ASH2L: variants seen among roughly 807,000 people sequenced by gnomAD.
ASH2L encodes set1/Ash2 histone methyltransferase complex subunit ASH2.
Under a neutral mutation model 81.1 loss-of-function variants are expected in ASH2L, and 30 were observed. That is an observed-to-expected ratio of 0.37 (90% CI 0.28 to 0.50). The LOEUF (loss-of-function observed/expected upper bound fraction) is 0.50, where lower values mean the gene tolerates loss of function less well. Ranked by LOEUF, ASH2L falls within the 20% of genes least tolerant of loss-of-function variation. The pLI, the probability that ASH2L is intolerant of heterozygous loss-of-function variation, is 0.95. For synonymous variants in ASH2L, 273 were observed against 279.9 expected, an observed-to-expected ratio of 0.98 and a Z score of 0.24; for missense variants, 559 against 792.1, an observed-to-expected ratio of 0.71 and a Z score of 3.53.
chr8:38,118,052 C>T (rs543948103), intron 8 of ASH2L, among the ~76,000 whole-genome samples: 1 of 152,218 alleles, frequency 6.6e-6, no homozygotes, highest in South Asian at 2.1e-4. Flanking sequence ...GAGCAAGACT[C>T]TGTCTCAAAA....
chr8:38,119,995 C>T (rs779279959), intron 9 of ASH2L, among the ~76,000 whole-genome samples: 2 of 149,994 alleles, frequency 1.3e-5, no homozygotes, highest in African/African-American at 4.9e-5. Flanking sequence ...CCTGGGGGCA[C>T]GTGCCTATAA....
rs1173740456 is a variant in ASH2L at position 38,119,493 on chromosome 8, A to G, written c.947+130A>G. ...TGTCCATTTTTTCTAAACCTTGAGC[A>G]CTTTGAGGGACAAAATAACCCCAGG... On this transcript the variant is annotated intron_variant, in intron 9 of 15. Transcript: ENST00000343823. 4.2e-6 allele frequency: 3 copies of G among 719,366 alleles called. No homozygotes were observed. The Admixed American group carries it at 1.1e-4, about 26-fold the overall frequency. 44.6% of individuals were successfully genotyped at this position (719,366 alleles called of 1,614,324 possible). A position where few individuals can be genotyped will look rare whatever the true frequency, so the allele number is the denominator to read the frequency against.
chr8:38,110,328 A>G (rs760161712), intron 3 of ASH2L, 51 bp from the exon 4 acceptor site: 2 of 1,371,776 alleles, frequency 1.5e-6, no homozygotes, highest in Non-Finnish European at 2.1e-6. Flanking sequence ...AAGAAAAAGA[A>G]GTGTGTGTGT....
intron 11 of ASH2L, 65 bp from the exon 12 acceptor site, chr8:38,128,693 T>C: frequency 2.6e-6 from 4 of 1,560,966 alleles, no homozygotes; most frequent in Non-Finnish European, 3.4e-6. Flanking sequence ...AGGATCTTTT[T>C]CCTTCAGCAA....
chr8:38,121,333 T>TTATTTATATATATA (rs1230317862), intron 10 of ASH2L, among the ~76,000 whole-genome samples, 184 bp downstream of exon 10: 2 of 59,668 alleles, frequency 3.4e-5, no homozygotes, highest in African/African-American at 6.3e-5. Flanking sequence ...GCCGTTTTAT[T>TTATTTATATATATA]TATATATATA....
At chr8:38,107,291 A>C in intron 3 of ASH2L, 125 bp downstream of exon 3, 1 of 1,224,094 alleles carries the variant, frequency 8.2e-7, no homozygotes, top group East Asian at 2.4e-5. Context: ...CTATTCAGCA[A>C]GTAGGATGTT....
chr8:38,111,475 C>T (rs770661183), intron 5 of ASH2L, among the ~76,000 whole-genome samples: 2 of 152,058 alleles, frequency 1.3e-5, no homozygotes, highest in Non-Finnish European at 2.9e-5. Flanking sequence ...GAAGACTTGA[C>T]CTCCTGGGCT....
In ASH2L at chr8:38,128,872, G is replaced by C. The variant is rs774626122; in HGVS notation, c.1448G>C (p.Gly483Ala). The C allele has an allele frequency of 5.0e-6, 8 of 1,614,134 alleles. No homozygotes were observed. The highest frequency in any genetic ancestry group is 6.8e-6 in the Non-Finnish European group (8 of 1,180,014). ...GKHYSSGYGQ[G>A]DVLGFYINLP... ...CACTACTCTTCTGGCTATGGACAGG[G>C]AGACGTCCTGGGATTTTATATTAAT... Residue 483 changes from glycine to alanine, a missense_variant, in exon 12 of 16, where the codon GGA becomes GCA. This residue lies in a region of ASH2L where 318 missense variants were observed against 527.0 expected (regional missense o/e 0.60). Coordinates refer to ENST00000343823, the MANE Select transcript of ASH2L (RefSeq NM_004674.5).
rs1802397451 is a variant in ASH2L, at chr8:38,139,533, T to C, written c.*462T>C. 6.5e-6 allele frequency: 1 copy of C among 153,540 alleles called. No homozygotes were observed. 9.5% of individuals were successfully genotyped at this position (153,540 alleles called of 1,614,324 possible). ...AATGGCTATACATTCCAAACCAATC[T>C]AAACGCTATTTCCTTTTGGTGTGGG... On this transcript the variant is annotated 3_prime_UTR_variant, in exon 16 of 16. Coordinates refer to ENST00000343823, the MANE Select transcript of ASH2L (RefSeq NM_004674.5).
intron 4 of ASH2L, 86 bp from the exon 5 acceptor site, chr8:38,110,653 A>G (rs1001269197): frequency 2.4e-6 from 3 of 1,259,680 alleles, no homozygotes; most frequent in African/African-American, 1.5e-5. Flanking sequence ...TATAATTGTT[A>G]TTTTCTGGAC....
chr8:38,125,451 TC>T (rs1254124150), intron 10 of ASH2L, among the ~76,000 whole-genome samples: 1 of 151,766 alleles, frequency 6.6e-6, no homozygotes, highest in Non-Finnish European at 1.5e-5. Flanking sequence ...AGAAACCCCT[TC>T]TCTGCTAAAA....
chr8:38,126,375 A>G (rs1023608802), intron 10 of ASH2L, among the ~76,000 whole-genome samples: 15 of 152,192 alleles, frequency 9.9e-5, no homozygotes, highest in Non-Finnish European at 2.1e-4. Context: ...ATCTAGGATT[A>G]GAACCTGGGC....
chr8:38,115,106 A>G (rs1441232812), intron 7 of ASH2L, 106 bp downstream of exon 7: 2 of 725,434 alleles, frequency 2.8e-6, no homozygotes, highest in Non-Finnish European at 4.9e-6. Context: ...CACTGCCATT[A>G]TATGCACATA....
intron 1 of ASH2L, 73 bp downstream of exon 1, chr8:38,105,811 C>T: frequency 6.8e-7 from 1 of 1,475,008 alleles, no homozygotes; most frequent in Non-Finnish European, 9.0e-7. Context: ...GCTCCTGGAG[C>T]CCTGCCGCCC....
intron 8 of ASH2L, among the ~76,000 whole-genome samples, chr8:38,117,095 T>C (rs1045410715): frequency 2.6e-5 from 4 of 152,218 alleles, no homozygotes; most frequent in African/African-American, 9.6e-5. Flanking sequence ...CCTGTGCCCA[T>C]CTTCTAATTT....
rs1028851461 is a variant in ASH2L, at chr8:38,128,656, A to T, written c.1334-102A>T. The T allele has an allele frequency of 3.3e-6, 5 of 1,533,998 alleles. No homozygotes were observed. In the African/African-American group the frequency reaches 5.6e-5, roughly 17 times the overall value. The stretch of plus-strand genomic sequence containing the variant: ...AGAAAGTTTTTAAGCAATTTTACAA[A>T]ATTGACCAAAAAACATAAAAAGAAA... On this transcript the variant is annotated intron_variant, in intron 11 of 15. Coordinates refer to ENST00000343823, the MANE Select transcript of ASH2L (RefSeq NM_004674.5).
Position 38,128,220 on chromosome 8 carries a change from T to C in ASH2L, c.1166-71T>C, listed in dbSNP as rs1288673927. On this transcript the variant is annotated intron_variant, in intron 10 of 15. Transcript: ENST00000343823. Reference sequence around the variant, plus strand: ...TTTTTAAATTGTTTTATTGGACTAATGTTTTTGTGGCAATTGTCCCCAAGA... The same window carrying C: ...TTTTTAAATTGTTTTATTGGACTAACGTTTTTGTGGCAATTGTCCCCAAGA... 2.5e-5 allele frequency: 39 copies of C among 1,563,046 alleles called. No individual in the cohort carries two copies. In the East Asian group the frequency reaches 8.5e-4, roughly 34 times the overall value.
intron 3 of ASH2L, among the ~76,000 whole-genome samples, chr8:38,107,900 G>A (rs1329192097): frequency 6.9e-6 from 1 of 144,278 alleles, no homozygotes; most frequent in Non-Finnish European, 1.5e-5. Flanking sequence ...GTGTGTGTGT[G>A]TGTGTATATG....
At chr8:38,106,254 C>G in intron 1 of ASH2L, 124 bp from the exon 2 acceptor site, 1 of 1,367,508 alleles carries the variant, frequency 7.3e-7, no homozygotes, top group Non-Finnish European at 1.0e-6. Flanking sequence ...AGTCTGAGAT[C>G]AGGCTTAGCT....
Sources: allele counts gnomAD v4.1 joint callset (sites outside exome capture counted in the v4.1 genomes callset), GRCh38; gene constraint gnomAD v4.1.1; regional missense constraint gnomAD v4.1.1; transcripts MANE v1.5; gene names NCBI Gene and HGNC (gene_info 2026-07-23, HGNC 2026-07-21).